The following NTM variants were observed in gnomAD, a reference collection of about 807,000 sequenced individuals.
The protein encoded by NTM is IgLON family member 2.
Under a neutral mutation model 42.1 loss-of-function variants are expected in NTM, and 13 were observed. The ratio of observed to expected loss-of-function variants is 0.31; its 90% CI spans 0.20 to 0.49. The LOEUF is 0.49. Among genes scored for constraint, NTM ranks in the 20% least tolerant of loss-of-function variants. The probability of loss-of-function intolerance (pLI) is 0.99; values close to 1 mark genes in which losing one functional copy is unlikely to be tolerated. For missense variants in NTM, 373 were observed against 452.8 expected, an observed-to-expected ratio of 0.82 and a Z score of 1.60; for synonymous variants, 187 against 179.2, an observed-to-expected ratio of 1.04 and a Z score of -0.35.
intron 2 of NTM, among the ~76,000 whole-genome samples, chr11:131,940,931 G>A (rs969554037): frequency 5.3e-5 from 8 of 152,110 alleles, no homozygotes; most frequent in Admixed American, 1.3e-4. Context: ...TTCTTAATAC[G>A]GGTGCAAATG....
chr11:131,595,234 G>A (rs777537286), intron 1 of NTM, among the ~76,000 whole-genome samples: 1 of 152,142 alleles, frequency 6.6e-6, no homozygotes, highest in Non-Finnish European at 1.5e-5. Flanking sequence ...GTCCACCAGT[G>A]AATCACCTGC....
At chr11:131,785,922 G>C (rs768278585) in intron 1 of NTM, among the ~76,000 whole-genome samples, 1 of 152,186 alleles carries the variant, frequency 6.6e-6, no homozygotes, top group Non-Finnish European at 1.5e-5. Flanking sequence ...TTTTCTAACA[G>C]GTACCTGTAG....
intron 1 of NTM, among the ~76,000 whole-genome samples, chr11:131,617,415 T>G (rs75643819): frequency 0.03 from 4,539 of 152,314 alleles, 207 homozygotes; most frequent in African/African-American, 0.1. Flanking sequence ...TCAGGGATTT[T>G]GTTGTAACAG....
At chr11:132,017,819 T>A (rs1353972615) in intron 2 of NTM, among the ~76,000 whole-genome samples, 2 of 152,008 alleles carry the variant, frequency 1.3e-5, no homozygotes, top group Non-Finnish European at 2.9e-5. Flanking sequence ...TGTTTTAATT[T>A]CACTACACAG....
intron 1 of NTM, among the ~76,000 whole-genome samples, chr11:131,726,082 G>A (rs1332216845): frequency 2.6e-5 from 4 of 152,140 alleles, no homozygotes; most frequent in Admixed American, 2.0e-4. Context: ...TTGGTTTGAG[G>A]CCCCAAAGAA....
rs531069171 is a variant in NTM, at chr11:132,258,350, G to A, written c.526+46203G>A. On this transcript the variant is annotated intron_variant, in intron 4 of 8. Transcript: ENST00000683400. Reference sequence around the variant, plus strand: ...TGCCTCAAGTTCAGAGTGAACATGCGTTAAATATATTGGACGATGGCTTAA... The same window carrying A: ...TGCCTCAAGTTCAGAGTGAACATGCATTAAATATATTGGACGATGGCTTAA... Among the ~76,000 whole-genome samples the A allele has an allele frequency of 1.1e-4, 17 of 152,162 alleles. No homozygotes were observed. The South Asian group carries it at 1.2e-3, about 11-fold the overall frequency.
chr11:131,639,640 G>C (rs529774542), intron 1 of NTM, among the ~76,000 whole-genome samples: 2 of 152,262 alleles, frequency 1.3e-5, no homozygotes, highest in Admixed American at 1.3e-4. Flanking sequence ...CCTGTCTTGG[G>C]AGAGGCTGGT....
chr11:132,037,969 A>G (rs1217705064), intron 2 of NTM, among the ~76,000 whole-genome samples: 2 of 152,354 alleles, frequency 1.3e-5, no homozygotes, highest in East Asian at 3.9e-4. Flanking sequence ...GTGTTTGCAA[A>G]CAGATCCTAA....
chr11:132,051,912 A>C (rs2078908518), intron 2 of NTM, among the ~76,000 whole-genome samples: 1 of 152,206 alleles, frequency 6.6e-6, no homozygotes, highest in African/African-American at 2.4e-5. Flanking sequence ...GGAAGCTGGC[A>C]GAATAATGGG....
intron 3 of NTM, among the ~76,000 whole-genome samples, chr11:132,155,530 C>T (rs2072992081): frequency 6.6e-6 from 1 of 152,160 alleles, no homozygotes. Flanking sequence ...GCCTCAGCCG[C>T]CTCCGCGGAG....
intron 1 of NTM, among the ~76,000 whole-genome samples, chr11:131,426,096 C>CT (rs1948110222): frequency 6.6e-6 from 1 of 152,174 alleles, no homozygotes; most frequent in Non-Finnish European, 1.5e-5. Context: ...TCACTGAGGG[C>CT]TGGGGGGTCT....
chr11:131,531,962 G>A (rs961970143), intron 1 of NTM, among the ~76,000 whole-genome samples: 3 of 152,186 alleles, frequency 2.0e-5, no homozygotes, highest in African/African-American at 7.2e-5. Flanking sequence ...TGTTTGCTGG[G>A]GAGAAAGGAA....
chr11:131,825,102 T>A (rs1338585990), intron 1 of NTM, among the ~76,000 whole-genome samples: 2 of 152,178 alleles, frequency 1.3e-5, no homozygotes, highest in Admixed American at 6.5e-5. Context: ...TGTTCCAGGC[T>A]TCTTGTCCAG....
intron 3 of NTM, among the ~76,000 whole-genome samples, chr11:132,165,100 G>A (rs749650812): frequency 6.6e-6 from 1 of 152,148 alleles, no homozygotes; most frequent in Non-Finnish European, 1.5e-5. Context: ...TTTCACCCAT[G>A]ATAGTGATAT....
At chr11:131,914,613 A>G (rs1034754889) in intron 2 of NTM, among the ~76,000 whole-genome samples, 1 of 152,208 alleles carries the variant, frequency 6.6e-6, no homozygotes, top group African/African-American at 2.4e-5. Flanking sequence ...AAAATGTTTT[A>G]TCTTATCCAA....
intron 1 of NTM, among the ~76,000 whole-genome samples, chr11:131,510,866 G>A (rs947928881): frequency 3.3e-5 from 5 of 152,174 alleles, no homozygotes; most frequent in Admixed American, 6.5e-5. Flanking sequence ...GGTCTGCACG[G>A]CCCCCTGGGC....
chr11:131,603,052 T>G (rs2060624937), intron 1 of NTM, among the ~76,000 whole-genome samples: 3 of 152,206 alleles, frequency 2.0e-5, no homozygotes, highest in Admixed American at 1.3e-4. Context: ...TCAATTAATA[T>G]TCCATACAGC....
chr11:131,976,163 C>CCTTCCTTT (rs1555201585), intron 2 of NTM, among the ~76,000 whole-genome samples: 5 of 128,178 alleles, frequency 3.9e-5, no homozygotes, highest in Non-Finnish European at 5.0e-5. Flanking sequence ...TTCCTTTCTT[C>CCTTCCTTT]CTTCCTTCCT....
chr11:131,506,907 C>T (rs1478188303), intron 1 of NTM, among the ~76,000 whole-genome samples: 1 of 152,174 alleles, frequency 6.6e-6, no homozygotes, highest in African/African-American at 2.4e-5. Context: ...AAGGAAAATG[C>T]AATACAGCCC....
Sources: allele counts gnomAD v4.1 joint callset (sites outside exome capture counted in the v4.1 genomes callset), GRCh38; gene constraint gnomAD v4.1.1; transcripts MANE v1.5; gene names NCBI Gene and HGNC (gene_info 2026-07-23, HGNC 2026-07-21).